The following TSPAN18 variants were observed in gnomAD, a reference collection of about 807,000 sequenced individuals.
TSPAN18 encodes tetraspanin-18.
TSPAN18 carries 14 observed loss-of-function variants against 27.3 expected under a neutral mutation model. That is an observed-to-expected ratio of 0.51 (90% CI 0.34 to 0.80). The LOEUF is 0.80. Ranked by LOEUF, TSPAN18 falls within the 30% of genes least tolerant of loss-of-function variation. The pLI, the probability that TSPAN18 is intolerant of heterozygous loss-of-function variation, is 0.01. For missense variants in TSPAN18, 268 were observed against 323.9 expected (o/e 0.83, Z 1.32); for synonymous variants, 143 against 136.5 (o/e 1.05, Z -0.33).
chr11:44,905,542 C>T (rs556606893), intron 3 of TSPAN18, among the ~76,000 whole-genome samples: 4 of 152,276 alleles, frequency 2.6e-5, no homozygotes, highest in Non-Finnish European at 4.4e-5. Context: ...GTGAAAATAA[C>T]GAATATGGAA....
chr11:44,757,068 A>T (rs1450112744), intron 1 of TSPAN18, among the ~76,000 whole-genome samples: 1 of 152,158 alleles, frequency 6.6e-6, no homozygotes, highest in Non-Finnish European at 1.5e-5. Flanking sequence ...TTATAAAAGG[A>T]TGTTGAATTT....
chr11:44,770,110 C>G (rs1855657613), intron 2 of TSPAN18, among the ~76,000 whole-genome samples: 1 of 152,216 alleles, frequency 6.6e-6, no homozygotes, highest in African/African-American at 2.4e-5. Context: ...GTACCTGGCA[C>G]TGCTCTACAT....
At chr11:44,774,973 G>T (rs1030693836) in intron 2 of TSPAN18, among the ~76,000 whole-genome samples, 3 of 152,188 alleles carry the variant, frequency 2.0e-5, no homozygotes, top group African/African-American at 7.2e-5. Flanking sequence ...AGTCCGTTCA[G>T]TTGGGCTTCC....
intron 2 of TSPAN18, among the ~76,000 whole-genome samples, chr11:44,847,819 C>A (rs1024895666): frequency 6.6e-6 from 1 of 150,772 alleles, no homozygotes; most frequent in Non-Finnish European, 1.5e-5. Flanking sequence ...ATAGTGAGGG[C>A]TCAAAGTAAC....
intron 1 of TSPAN18, among the ~76,000 whole-genome samples, chr11:44,759,705 T>C (rs2134879904): frequency 6.6e-6 from 1 of 152,310 alleles, no homozygotes; most frequent in Middle Eastern, 3.4e-3. Context: ...ATCCATCCAT[T>C]TCTCCTAGCA....
intron 3 of TSPAN18, among the ~76,000 whole-genome samples, chr11:44,902,795 G>T (rs554879590): frequency 4.6e-5 from 7 of 152,304 alleles, no homozygotes; most frequent in African/African-American, 9.6e-5. Context: ...GGCATTAGGG[G>T]GGCCTGTCCT....
intron 3 of TSPAN18, among the ~76,000 whole-genome samples, chr11:44,874,765 G>T (rs1033479201): frequency 6.6e-6 from 1 of 152,220 alleles, no homozygotes; most frequent in African/African-American, 2.4e-5. Context: ...GTGAGGAGAG[G>T]CTGGGGCTGG....
At chr11:44,854,862 T>TA (rs2135197644) in intron 2 of TSPAN18, among the ~76,000 whole-genome samples, 1 of 152,306 alleles carries the variant, frequency 6.6e-6, no homozygotes, top group Admixed American at 6.5e-5. Context: ...AGTGCTGCTG[T>TA]ACTCAGATTC....
At chr11:44,740,382 T>G (rs1054565180) in intron 1 of TSPAN18, among the ~76,000 whole-genome samples, 2 of 152,200 alleles carry the variant, frequency 1.3e-5, no homozygotes, top group Non-Finnish European at 2.9e-5. Context: ...TTCCAGAGCC[T>G]TCTTGCTGGG....
intron 1 of TSPAN18, among the ~76,000 whole-genome samples, chr11:44,739,981 A>T (rs1411779403): frequency 6.6e-6 from 1 of 152,210 alleles, no homozygotes; most frequent in Non-Finnish European, 1.5e-5. Flanking sequence ...TGATGCAGTC[A>T]TTCCCGACTA....
Position 44,812,872 on chromosome 11 carries a change from G to A in TSPAN18, c.-152-47456G>A, listed in dbSNP as rs551848167. Among the ~76,000 whole-genome samples the A allele has an allele frequency of 2.0e-5, 3 of 152,342 alleles. No individual in the cohort carries two copies. The East Asian group carries it at 5.8e-4, about 29-fold the overall frequency. On this transcript the variant is annotated intron_variant, in intron 2 of 9. Coordinates refer to ENST00000520358, the MANE Select transcript of TSPAN18 (RefSeq NM_130783.5). ...CCTAGGAATGTTAAGACAGACCAGT[G>A]TACATACACACACACAGAAACACAC...
chr11:44,804,073 C>A (rs1856539042), intron 2 of TSPAN18, among the ~76,000 whole-genome samples: 1 of 152,126 alleles, frequency 6.6e-6, no homozygotes, highest in Non-Finnish European at 1.5e-5. Flanking sequence ...TTGTCTCTTT[C>A]TGCTCCTGGA....
Position 44,847,822 on chromosome 11 carries a change from A to G in TSPAN18, c.-152-12506A>G, listed in dbSNP as rs116569450. Among the ~76,000 whole-genome samples the G allele has an allele frequency of 1.2e-3, 186 of 152,180 alleles. 2 individuals carry two copies. Among genetic ancestry groups the G allele is most frequent in the African/African-American group, 4.4e-3 (182 of 41,504 alleles). ...GAAGTGCCCAGGATAGTGAGGGCTC[A>G]AAGTAACTTTTGTTGCTTTTTTTTT... On this transcript the variant is annotated intron_variant, in intron 2 of 9. Transcript: ENST00000520358.
At chr11:44,908,641 A>AT (rs1554937949) in intron 4 of TSPAN18, among the ~76,000 whole-genome samples, 3 of 151,088 alleles carry the variant, frequency 2.0e-5, no homozygotes, top group African/African-American at 7.3e-5. Flanking sequence ...AGGCTGAGGT[A>AT]GAGGATGACT....
intron 2 of TSPAN18, among the ~76,000 whole-genome samples, chr11:44,795,371 A>G (rs2135053689): frequency 6.6e-6 from 1 of 152,260 alleles, no homozygotes; most frequent in East Asian, 1.9e-4. Flanking sequence ...GCCTGGGTTC[A>G]GATCCAAGGT....
At chr11:44,800,095 A>G (rs1160665189) in intron 2 of TSPAN18, among the ~76,000 whole-genome samples, 1 of 149,118 alleles carries the variant, frequency 6.7e-6, no homozygotes, top group Non-Finnish European at 1.5e-5. Context: ...GACCTCAGGT[A>G]ATCCACCTGC....
chr11:44,809,819 G>A (rs1295476767), intron 2 of TSPAN18, among the ~76,000 whole-genome samples: 1 of 152,240 alleles, frequency 6.6e-6, no homozygotes, highest in Non-Finnish European at 1.5e-5. Context: ...GATGCACAGT[G>A]AAATGTGTTC....
At chr11:44,800,927 G>A (rs1856466452) in intron 2 of TSPAN18, among the ~76,000 whole-genome samples, 2 of 152,262 alleles carry the variant, frequency 1.3e-5, no homozygotes, top group African/African-American at 4.8e-5. Context: ...CCTGGGCTGC[G>A]AGGGGCTGGG....
At chr11:44,774,362 C>T (rs1160087465) in intron 2 of TSPAN18, among the ~76,000 whole-genome samples, 3 of 152,342 alleles carry the variant, frequency 2.0e-5, no homozygotes, top group Non-Finnish European at 2.9e-5. Context: ...CACAGTGTGT[C>T]CCCATGCTGG....
Sources: allele counts gnomAD v4.1 joint callset (sites outside exome capture counted in the v4.1 genomes callset), GRCh38; gene constraint gnomAD v4.1.1; transcripts MANE v1.5; gene names NCBI Gene and HGNC (gene_info 2026-07-23, HGNC 2026-07-21).